Variants in THSD7B observed in about 807,000 individuals in gnomAD.
The protein encoded by THSD7B is thrombospondin type 1 domain containing 7B.
THSD7B carries 138 observed loss-of-function variants against 213.6 expected under a neutral mutation model. The ratio of observed to expected loss-of-function variants is 0.65; its 90% confidence interval spans 0.56 to 0.74. The LOEUF is 0.74. THSD7B is among the 30% of genes least tolerant of loss of function. The pLI is 0.00. For missense variants in THSD7B, 1,931 were observed against 1,991.5 expected, an observed-to-expected ratio of 0.97 and a Z score of 0.58; for synonymous variants, 742 against 687.0, an observed-to-expected ratio of 1.08 and a Z score of -1.25.
chr2:137,376,351 A>G (rs1373131652), intron 12 of THSD7B, among the ~76,000 whole-genome samples: 1 of 152,198 alleles, frequency 6.6e-6, no homozygotes, highest in Non-Finnish European at 1.5e-5. Context: ...TTAAAAATCT[A>G]TAATTACCTG....
intron 7 of THSD7B, among the ~76,000 whole-genome samples, chr2:137,172,881 TG>T (rs1184376014): frequency 1.3e-5 from 2 of 152,106 alleles, no homozygotes; most frequent in Non-Finnish European, 2.9e-5. Flanking sequence ...GTTGGAGAAT[TG>T]TGTGGTTACA....
chr2:136,866,104 G>A (rs966287740), intron 1 of THSD7B, among the ~76,000 whole-genome samples: 1 of 152,202 alleles, frequency 6.6e-6, no homozygotes, highest in Non-Finnish European at 1.5e-5. Flanking sequence ...TGGTGTGGGT[G>A]TGATTGTCGC....
chr2:136,914,638 A>G (rs564185), intron 2 of THSD7B, among the ~76,000 whole-genome samples: 63,160 of 152,036 alleles, frequency 0.42, 15,045 homozygotes, highest in Non-Finnish European at 0.55. Context: ...TGGGTTTATC[A>G]GGGGTTTCTG....
At chr2:137,269,112 T>C (rs1432685923) in intron 10 of THSD7B, among the ~76,000 whole-genome samples, 4 of 152,156 alleles carry the variant, frequency 2.6e-5, no homozygotes, top group Non-Finnish European at 4.4e-5. Flanking sequence ...TGGTATTGTT[T>C]CCCTAGCTTA....
intron 12 of THSD7B, among the ~76,000 whole-genome samples, chr2:137,303,648 A>G (rs1683660899): frequency 7.0e-6 from 1 of 143,766 alleles, no homozygotes; most frequent in African/African-American, 2.6e-5. Flanking sequence ...ATATATAAAC[A>G]CACATTTTCG....
At chr2:136,880,884 A>G (rs1480993584) in intron 1 of THSD7B, among the ~76,000 whole-genome samples, 1 of 152,140 alleles carries the variant, frequency 6.6e-6, no homozygotes, top group Non-Finnish European at 1.5e-5. Flanking sequence ...TTGCTCTTCT[A>G]TGATTCTTGT....
At chr2:136,989,902 A>T (rs889720503) in intron 2 of THSD7B, among the ~76,000 whole-genome samples, 9 of 152,214 alleles carry the variant, frequency 5.9e-5, no homozygotes, top group African/African-American at 1.7e-4. Context: ...AGTGGCTAGT[A>T]CTAGGGTCAT....
intron 10 of THSD7B, among the ~76,000 whole-genome samples, chr2:137,259,744 T>C (rs1303428395): frequency 6.6e-6 from 1 of 152,206 alleles, no homozygotes; most frequent in Non-Finnish European, 1.5e-5. Context: ...TCAAATTGCC[T>C]TTCTCCCTCT....
intron 15 of THSD7B, among the ~76,000 whole-genome samples, chr2:137,520,927 G>C (rs1680172584): frequency 2.0e-5 from 3 of 152,184 alleles, no homozygotes; most frequent in Admixed American, 2.0e-4. Flanking sequence ...TCTTCAAGTT[G>C]TTTGAAAGTT....
chr2:137,615,196 T>C (rs915482122), intron 17 of THSD7B, among the ~76,000 whole-genome samples: 8 of 152,098 alleles, frequency 5.3e-5, no homozygotes, highest in African/African-American at 1.9e-4. Flanking sequence ...GGCAGGGTGA[T>C]GAAGAAACAG....
At chr2:137,531,087 GAAAAT>G (rs1405287091) in intron 15 of THSD7B, among the ~76,000 whole-genome samples, 1 of 151,894 alleles carries the variant, frequency 6.6e-6, no homozygotes, top group African/African-American at 2.4e-5. Flanking sequence ...TATGCGGACA[GAAAAT>G]AAAATAAAAT....
At chr2:137,257,321 GGAT>G (rs1558975622) in intron 10 of THSD7B, among the ~76,000 whole-genome samples, 1 of 152,136 alleles carries the variant, frequency 6.6e-6, no homozygotes. Context: ...TCACATAACT[GGAT>G]GATTATGCAA....
At chr2:137,275,706 T>A (rs1682853779) in intron 11 of THSD7B, among the ~76,000 whole-genome samples, 1 of 152,096 alleles carries the variant, frequency 6.6e-6, no homozygotes, top group Non-Finnish European at 1.5e-5. Flanking sequence ...CAGGGCCAAT[T>A]CAAAAACACT....
intron 5 of THSD7B, among the ~76,000 whole-genome samples, chr2:137,128,219 C>A (rs1688663497): frequency 6.6e-6 from 1 of 152,014 alleles, no homozygotes; most frequent in Admixed American, 6.6e-5. Flanking sequence ...TTAAATAAAG[C>A]TTACAACACC....
At chr2:136,816,855 G>T (rs2104934452) in intron 1 of THSD7B, among the ~76,000 whole-genome samples, 1 of 152,228 alleles carries the variant, frequency 6.6e-6, no homozygotes, top group South Asian at 2.1e-4. Flanking sequence ...AGGTGAATAA[G>T]AATCTTTATT....
intron 12 of THSD7B, among the ~76,000 whole-genome samples, chr2:137,300,219 C>A (rs1306344765): frequency 6.6e-6 from 1 of 152,118 alleles, no homozygotes; most frequent in Admixed American, 6.5e-5. Context: ...TTGCCCTCTG[C>A]AAGTTTCTTA....
chr2:137,437,448 G>A (rs113195957), intron 14 of THSD7B, among the ~76,000 whole-genome samples: 130 of 152,260 alleles, frequency 8.5e-4, no homozygotes, highest in African/African-American at 3.0e-3. Context: ...TGAAGAACAG[G>A]AGGCAAAACA....
At chr2:137,276,462 T>G (rs1682874361) in intron 12 of THSD7B, among the ~76,000 whole-genome samples, 1 of 152,110 alleles carries the variant, frequency 6.6e-6, no homozygotes, top group South Asian at 2.1e-4. Context: ...GGATATGTCT[T>G]AAATATAATT....
intron 21 of THSD7B, among the ~76,000 whole-genome samples, chr2:137,649,356 A>G (rs1259935649): frequency 6.6e-6 from 1 of 152,206 alleles, no homozygotes; most frequent in Middle Eastern, 3.2e-3. Flanking sequence ...TCCCAGACCA[A>G]TATCCTGGAG....
Sources: gnomAD v4.1 joint callset for allele counts (sites outside exome capture counted in the v4.1 genomes callset) on GRCh38, gnomAD v4.1.1 for gene constraint, MANE v1.5 for transcripts, NCBI Gene and HGNC (gene_info 2026-07-23, HGNC 2026-07-21) for gene names.